Variants in PREP observed in about 807,000 individuals in gnomAD.
PREP encodes dJ355L5.1 (prolyl endopeptidase).
A neutral mutation model predicts 87.6 loss-of-function variants in PREP; 29 were observed. The ratio of observed to expected loss-of-function variants is 0.33; its 90% confidence interval spans 0.25 to 0.45. The LOEUF (loss-of-function observed/expected upper bound fraction) is 0.45, where lower values mean the gene tolerates loss of function less well. PREP is among the 20% of genes least tolerant of loss of function. PREP has a pLI of 1.00. For missense variants in PREP, 695 were observed against 886.5 expected (o/e 0.78, Z 2.74); for synonymous variants, 337 against 328.6 (o/e 1.03, Z -0.28).
chr6:105,346,892 G>C lies in PREP; in HGVS notation c.823+6080C>G, dbSNP rs141676581. Among the ~76,000 whole-genome samples, 245 of 152,330 alleles carry C rather than the reference G, an allele frequency of 1.6e-3. 1 individual carries two copies. Among genetic ancestry groups the C allele is most frequent in the South Asian group, 3.9e-3 (19 of 4,828 alleles). Reference sequence around the variant, plus strand: ...GAGGCAGACGGATCACCTGAGGTCAGGGGTTCATGACCAGCCTGGCCAACA... The same window carrying C: ...GAGGCAGACGGATCACCTGAGGTCACGGGTTCATGACCAGCCTGGCCAACA... On this transcript the variant is annotated intron_variant, in intron 7 of 14. Transcript: ENST00000652536.
intron 5 of PREP, among the ~76,000 whole-genome samples, chr6:105,372,871 C>T (rs1162934676): frequency 6.6e-6 from 1 of 152,172 alleles, no homozygotes; most frequent in African/African-American, 2.4e-5. Flanking sequence ...TATTTCTCCA[C>T]CCATTGAAAA....
intron 7 of PREP, among the ~76,000 whole-genome samples, chr6:105,348,980 C>T (rs1562210512): frequency 6.6e-6 from 1 of 152,040 alleles, no homozygotes; most frequent in Non-Finnish European, 1.5e-5. Flanking sequence ...CTCTGGTAAG[C>T]CAGTGGAGAA....
intron 6 of PREP, among the ~76,000 whole-genome samples, chr6:105,362,324 G>A (rs1772273459): frequency 6.6e-6 from 1 of 152,168 alleles, no homozygotes; most frequent in South Asian, 2.1e-4. Context: ...AGCTGGGCTT[G>A]GTGGCGTACG....
At chr6:105,346,861 G>C (rs978899597) in intron 7 of PREP, among the ~76,000 whole-genome samples, 2 of 152,220 alleles carry the variant, frequency 1.3e-5, no homozygotes, top group African/African-American at 4.8e-5. Context: ...AGCACTTTGG[G>C]AAGCTGAGGC....
chr6:105,339,531 A>C (rs1771578262), intron 7 of PREP, among the ~76,000 whole-genome samples: 1 of 152,242 alleles, frequency 6.6e-6, no homozygotes, highest in Non-Finnish European at 1.5e-5. Flanking sequence ...TGGATGGAGA[A>C]TGACTTTGAC....
intron 2 of PREP, among the ~76,000 whole-genome samples, chr6:105,391,541 G>A (rs1009987103): frequency 2.0e-5 from 3 of 152,194 alleles, no homozygotes; most frequent in South Asian, 2.1e-4. Context: ...GAAGTCTCTG[G>A]ATTTGGCCAC....
chr6:105,348,196 A>G (rs1583072286), intron 7 of PREP, among the ~76,000 whole-genome samples: 1 of 151,278 alleles, frequency 6.6e-6, no homozygotes, highest in African/African-American at 2.4e-5. Context: ...CACAATATAA[A>G]GGAATGAAAA....
At chr6:105,286,688 T>G (rs926341599) in intron 11 of PREP, among the ~76,000 whole-genome samples, 1 of 151,946 alleles carries the variant, frequency 6.6e-6, no homozygotes, top group Non-Finnish European at 1.5e-5. Context: ...ATATTGAGGA[T>G]GAACAGGAAA....
intron 10 of PREP, among the ~76,000 whole-genome samples, chr6:105,321,232 G>A (rs909304179): frequency 6.6e-6 from 1 of 152,222 alleles, no homozygotes; most frequent in Non-Finnish European, 1.5e-5. Flanking sequence ...TGGAAATGAA[G>A]AGCAACGCAT....
intron 2 of PREP, among the ~76,000 whole-genome samples, chr6:105,392,828 C>A (rs757329137): frequency 6.6e-6 from 1 of 152,080 alleles, no homozygotes; most frequent in Non-Finnish European, 1.5e-5. Context: ...CCACCCTCCT[C>A]GGCCTCCCAA....
intron 10 of PREP, among the ~76,000 whole-genome samples, chr6:105,289,497 C>T (rs1418170651): frequency 1.3e-5 from 2 of 152,084 alleles, no homozygotes; most frequent in African/African-American, 4.8e-5. Flanking sequence ...CCTATTATTC[C>T]TGGTTAAACA....
Position 105,377,494 on chromosome 6 carries a change from A to C in PREP, c.146T>G (p.Ile49Ser), listed in dbSNP as rs1235011654. The change falls in exon 3 of 15, where the codon ATT becomes AGT. Residue 49 changes from isoleucine (I) to serine (S), a missense_variant. This residue lies in a region of PREP where 517 missense variants were observed against 620.3 expected (regional missense o/e 0.83). Transcript: ENST00000652536. ...TKAFVEAQNK[I>S]TVPFLEQCPI... The stretch of plus-strand genomic sequence containing the variant: ...ACACTGCTCAAGAAATGGCACAGTA[A>C]TCTTATTCTGGGCCTCCACAAAGGC... 2 of 1,613,792 alleles carry C rather than the reference A, an allele frequency of 1.2e-6. No homozygotes were observed. The highest frequency in any genetic ancestry group is 1.7e-6 in the Non-Finnish European group (2 of 1,179,856).
chr6:105,342,627 G>T (rs1771689322), intron 7 of PREP, among the ~76,000 whole-genome samples: 1 of 152,170 alleles, frequency 6.6e-6, no homozygotes, highest in Admixed American at 6.5e-5. Flanking sequence ...TGTATATTTA[G>T]AAAACCCCAC....
In PREP at chr6:105,394,101, A is replaced by G. The variant is rs183392869; in HGVS notation, c.120+3752T>C. On this transcript the variant is annotated intron_variant, in intron 2 of 14. Transcript: ENST00000652536. ...TTGTAAATATAGTTGTAAGGAACAT[A>G]AAAACAGATTAAAAATGGAATTTTA... 3.9e-4 allele frequency among the ~76,000 whole-genome samples: 60 copies of G among 152,324 alleles called. No homozygotes were observed. The East Asian group carries it at 8.5e-3, about 21-fold the overall frequency.
chr6:105,362,477 C>T (rs17065858), intron 6 of PREP, among the ~76,000 whole-genome samples: 9,281 of 152,234 alleles, frequency 0.061, 282 homozygotes, highest in Middle Eastern at 0.11. Context: ...AAAGTATCTA[C>T]GGTTTGTCTT....
intron 7 of PREP, among the ~76,000 whole-genome samples, chr6:105,342,893 A>C (rs1315381107): frequency 2.5e-4 from 36 of 141,238 alleles, no homozygotes; most frequent in South Asian, 1.1e-3. Flanking sequence ...AAACAAATGG[A>C]AGAACATTCC....
chr6:105,286,817 G>T (rs1430389201), intron 11 of PREP, among the ~76,000 whole-genome samples: 3 of 4,602 alleles, frequency 6.5e-4, no homozygotes, highest in Admixed American at 3.1e-3. Flanking sequence ...GGTCTCTCCT[G>T]AGACTACTAT....
Position 105,377,503 on chromosome 6 carries a change from T to G in PREP, c.137A>C (p.Gln46Pro), listed in dbSNP as rs1772716347. Residue 46 changes from glutamine to proline, a missense_variant, in exon 3 of 15, where the codon CAG (glutamine) becomes CCG (proline). Physicochemically the swap from Gln to Pro is moderately conservative, Grantham distance 76. This residue lies in a region of PREP where 517 missense variants were observed against 620.3 expected (regional missense o/e 0.83). Coordinates refer to ENST00000652536, the MANE Select transcript of PREP (RefSeq NM_002726.5). ...SEQTKAFVEA[Q>P]NKITVPFLEQ... is the part of the protein sequence containing the mutation. ...AAGAAATGGCACAGTAATCTTATTC[T>G]GGGCCTCCACAAAGGCCTGTGGAGA... 1 of 1,613,564 alleles carries G rather than the reference T, an allele frequency of 6.2e-7. No homozygotes were observed. The highest frequency in any genetic ancestry group is 8.5e-7 in the Non-Finnish European group (1 of 1,179,846).
intron 7 of PREP, among the ~76,000 whole-genome samples, chr6:105,334,284 G>A (rs1771422808): frequency 6.6e-6 from 1 of 152,212 alleles, no homozygotes; most frequent in African/African-American, 2.4e-5. Flanking sequence ...TTAGCCAACT[G>A]CAGATGGTTC....
Sources: gnomAD v4.1 joint callset for allele counts (sites outside exome capture counted in the v4.1 genomes callset) on GRCh38, gnomAD v4.1.1 for gene constraint, gnomAD v4.1.1 regional missense constraint, MANE v1.5 for transcripts, NCBI Gene and HGNC (gene_info 2026-07-23, HGNC 2026-07-21) for gene names.